Variants in TFEC observed in about 807,000 individuals in gnomAD.
TFEC encodes class E basic helix-loop-helix protein 34.
A neutral mutation model predicts 41.6 loss-of-function variants in TFEC; 31 were observed. That is an observed-to-expected ratio of 0.74 (90% CI 0.56 to 1.01). The LOEUF (loss-of-function observed/expected upper bound fraction) is 1.01. TFEC is among the 50% of genes least tolerant of loss of function. The pLI, the probability that TFEC is intolerant of heterozygous loss-of-function variation, is 0.00. For missense variants in TFEC, 402 were observed against 404.1 expected (o/e 0.99, Z 0.04); for synonymous variants, 143 against 140.6 (o/e 1.02, Z -0.12).
chr7:116,128,940 T>G (rs927872658), intron 1 of TFEC, among the ~76,000 whole-genome samples: 10 of 152,134 alleles, frequency 6.6e-5, no homozygotes, highest in Non-Finnish European at 1.3e-4. Context: ...TAGAAGTAAG[T>G]GCAAACATAT....
At chr7:116,034,878 G>A (rs1214459224), upstream of TFEC, among the ~76,000 whole-genome samples, 1 of 151,730 alleles carries the variant, frequency 6.6e-6, no homozygotes, top group Admixed American at 6.6e-5. Context: ...AACTCTTTGT[G>A]GAATATCAAC....
chr7:116,074,887 CAG>C (rs1212336957), intron 3 of TFEC, among the ~76,000 whole-genome samples: 2 of 152,132 alleles, frequency 1.3e-5, no homozygotes. Flanking sequence ...AATTGATAAA[CAG>C]ATGAATAAAA....
intron 2 of TFEC, among the ~76,000 whole-genome samples, chr7:115,979,371 A>C (rs1319297963): frequency 1.3e-5 from 2 of 152,024 alleles, no homozygotes; most frequent in Non-Finnish European, 2.9e-5. Context: ...TTCTGCGCTC[A>C]TGCTATCCCA....
chr7:116,121,251 T>C lies in TFEC; in HGVS notation c.-68-9213A>G, dbSNP rs907797771. ...ATAAAATACCATTAATGTTACAACA[T>C]AAATGAACCTTGAATATATTACATT... On this transcript the variant is annotated intron_variant, in intron 1 of 8. Transcript: ENST00000484212. Among the ~76,000 whole-genome samples, 4 of 152,110 alleles carry C rather than the reference T, an allele frequency of 2.6e-5. No homozygotes were observed. In the East Asian group the frequency reaches 5.8e-4, roughly 22 times the overall value.
intron 3 of TFEC, among the ~76,000 whole-genome samples, chr7:116,101,173 G>A (rs1397888080): frequency 6.8e-6 from 1 of 148,114 alleles, no homozygotes; most frequent in Non-Finnish European, 1.5e-5. Flanking sequence ...CAACACCAAT[G>A]TCCCCCACTT....
intron 3 of TFEC, among the ~76,000 whole-genome samples, chr7:116,060,758 C>T (rs539771837): frequency 1.3e-5 from 2 of 152,114 alleles, no homozygotes; most frequent in South Asian, 4.1e-4. Context: ...AACTATTGGG[C>T]ACTGGGCTTA....
At chr7:116,001,410 G>T (rs937091320) in intron 1 of TFEC, among the ~76,000 whole-genome samples, 1 of 151,726 alleles carries the variant, frequency 6.6e-6, no homozygotes, top group African/African-American at 2.4e-5. Flanking sequence ...CAGGAAAATT[G>T]CTTGAACCCT....
chr7:116,011,701 T>A (rs1795007625), intron 1 of TFEC, among the ~76,000 whole-genome samples: 1 of 152,168 alleles, frequency 6.6e-6, no homozygotes, highest in African/African-American at 2.4e-5. Context: ...AAACATGACC[T>A]CCAGTGTTGG....
intron 3 of TFEC, among the ~76,000 whole-genome samples, chr7:116,070,852 C>G (rs558764566): frequency 2.4e-4 from 37 of 151,076 alleles, no homozygotes; most frequent in Admixed American, 4.6e-4. Flanking sequence ...AAATAATTCA[C>G]CAAAAGTGTA....
chr7:115,947,703 C>A (rs1381896787), intron 6 of TFEC, among the ~76,000 whole-genome samples: 1 of 151,558 alleles, frequency 6.6e-6, no homozygotes, highest in Non-Finnish European at 1.5e-5. Flanking sequence ...TGTTTTTTGG[C>A]TGCATAAATG....
At chr7:115,997,339 G>A (rs1383949062) in intron 1 of TFEC, among the ~76,000 whole-genome samples, 1 of 151,202 alleles carries the variant, frequency 6.6e-6, no homozygotes, top group East Asian at 1.9e-4. Context: ...GACCGCCAAG[G>A]TGGTACATGT....
intron 1 of TFEC, among the ~76,000 whole-genome samples, chr7:115,995,958 T>A (rs1330657972): frequency 3.3e-5 from 5 of 152,200 alleles, no homozygotes; most frequent in Admixed American, 3.3e-4. Flanking sequence ...CTCACCACCA[T>A]GGGTAAAGCT....
In TFEC at chr7:115,937,652, T is replaced by C. The variant is rs1443015379; in HGVS notation, c.*2899A>G. The C allele has an allele frequency of 6.6e-6, 1 of 151,778 alleles. No homozygotes were observed. The highest frequency in any genetic ancestry group is 1.5e-5 in the Non-Finnish European group (1 of 67,758). The allele number at this position is 151,778 out of a possible 1,614,324, so 9.4% of individuals were successfully genotyped here. A position where few individuals can be genotyped will look rare whatever the true frequency, so the allele number is the denominator to read the frequency against. ...TGAACAACTTTTTTAGTGAATAATC[T>C]AAAGTTTGGTACACTATTACTTTCC... On this transcript the variant is annotated 3_prime_UTR_variant, in exon 8 of 8. Transcript: ENST00000265440.
chr7:115,966,525 A>G (rs763256901), intron 3 of TFEC, among the ~76,000 whole-genome samples: 3 of 151,750 alleles, frequency 2.0e-5, no homozygotes, highest in Non-Finnish European at 2.9e-5. Flanking sequence ...CTCTAGTATT[A>G]TAATTGTCAT....
intron 3 of TFEC, among the ~76,000 whole-genome samples, chr7:116,107,598 T>C (rs1207863668): frequency 6.6e-6 from 1 of 152,174 alleles, no homozygotes; most frequent in Non-Finnish European, 1.5e-5. Flanking sequence ...GTTCTGGCTC[T>C]AGTCATCCCT....
chr7:116,051,479 T>C (rs1209446380), intron 3 of TFEC, among the ~76,000 whole-genome samples: 3 of 152,186 alleles, frequency 2.0e-5, no homozygotes, highest in Non-Finnish European at 4.4e-5. Context: ...TTCTCTCTCA[T>C]GATGAGGTGT....
intron 1 of TFEC, among the ~76,000 whole-genome samples, chr7:116,024,797 A>G (rs1795527132): frequency 2.0e-5 from 3 of 150,244 alleles, no homozygotes; most frequent in Non-Finnish European, 2.9e-5. Flanking sequence ...TCCATCTCCT[A>G]TCATATTCCA....
At chr7:116,112,842 T>C (rs1211467945) in intron 1 of TFEC, among the ~76,000 whole-genome samples, 1 of 151,948 alleles carries the variant, frequency 6.6e-6, no homozygotes, top group Non-Finnish European at 1.5e-5. Flanking sequence ...TTATGTGAGC[T>C]TGGAAACAAG....
chr7:115,984,197 A>C, intron 2 of TFEC, 65 bp downstream of exon 2: 1 of 1,558,216 alleles, frequency 6.4e-7, no homozygotes, highest in Non-Finnish European at 8.7e-7. Flanking sequence ...GTTGACTTCA[A>C]TTACTTTAAT....
Sources: gnomAD v4.1 joint callset for allele counts (sites outside exome capture counted in the v4.1 genomes callset) on GRCh38, gnomAD v4.1.1 for gene constraint, MANE v1.5 for transcripts, NCBI Gene and HGNC (gene_info 2026-07-23, HGNC 2026-07-21) for gene names.